PZP: variants seen among roughly 807,000 people sequenced by gnomAD.
The protein encoded by PZP is PZP alpha-2-macroglobulin like.
A neutral mutation model predicts 179.8 loss-of-function variants in PZP; 150 were observed. The observed-to-expected ratio is 0.83, with a 90% CI of 0.73 to 0.96. The LOEUF is 0.96. Ranked by LOEUF, PZP falls within the 40% of genes least tolerant of loss-of-function variation. The probability of loss-of-function intolerance (pLI) is 0.00; values close to 1 mark genes in which losing one functional copy is unlikely to be tolerated. For missense variants in PZP, 1,689 were observed against 1,764.0 expected (o/e 0.96, Z 0.76); for synonymous variants, 624 against 652.3 (o/e 0.96, Z 0.66).
At chr12:9,198,395 T>A (rs1052920657) in intron 7 of PZP, among the ~76,000 whole-genome samples, 1 of 152,178 alleles carries the variant, frequency 6.6e-6, no homozygotes, top group African/African-American at 2.4e-5. Flanking sequence ...ATCATTCTTC[T>A]TTATTTTGTT....
chr12:9,176,997 T>C (rs1207255987), intron 15 of PZP, among the ~76,000 whole-genome samples: 1 of 152,154 alleles, frequency 6.6e-6, no homozygotes. Context: ...GAGGATCGAG[T>C]ATATTTTACA....
chr12:9,148,575 G>C (rs758554166), downstream of PZP, among the ~76,000 whole-genome samples: 3 of 151,768 alleles, frequency 2.0e-5, no homozygotes, highest in Non-Finnish European at 4.4e-5. Context: ...CATCTCTTCT[G>C]ATGTCTCTTC....
At chr12:9,142,535 T>C in the PZP span, among the ~76,000 whole-genome samples, 2 of 152,366 alleles carry the variant, frequency 1.3e-5, no homozygotes, top group African/African-American at 2.4e-5. Context: ...AAAGGTCCCA[T>C]AGCTTTTACT....
At chr12:9,172,742 A>G (rs1942083189) in intron 15 of PZP, among the ~76,000 whole-genome samples, 3 of 152,302 alleles carry the variant, frequency 2.0e-5, no homozygotes, top group African/African-American at 7.2e-5. Context: ...GGTAGTATAT[A>G]ATAGTAAAGG....
chr12:9,165,423 A>C (rs2120742124), intron 18 of PZP, 56 bp from the exon 19 acceptor site: 1,250 of 1,581,164 alleles, frequency 7.9e-4, no homozygotes, highest in Non-Finnish European at 9.9e-4. Flanking sequence ...ACCTTTTCTC[A>C]AGTGAGAATT....
chr12:9,143,021 A>G, the PZP span, among the ~76,000 whole-genome samples: 4 of 152,266 alleles, frequency 2.6e-5, no homozygotes, highest in Non-Finnish European at 5.9e-5. Context: ...AACAAGATTT[A>G]TGAAGAGAAA....
intron 22 of PZP, chr12:9,162,186 C>A: frequency 6.3e-6 from 1 of 158,648 alleles, no homozygotes; most frequent in Non-Finnish European, 1.4e-5. Context: ...GTTCTCAAAC[C>A]CCTGACCTCA....
At chr12:9,190,581 A>G (rs1031754868) in intron 13 of PZP, among the ~76,000 whole-genome samples, 2 of 152,124 alleles carry the variant, frequency 1.3e-5, no homozygotes, top group Non-Finnish European at 2.9e-5. Flanking sequence ...ATCAGAAAAA[A>G]TAATTATTGG....
At chr12:9,174,014 G>T (rs1942187069) in intron 15 of PZP, among the ~76,000 whole-genome samples, 1 of 152,074 alleles carries the variant, frequency 6.6e-6, no homozygotes, top group Admixed American at 6.6e-5. Flanking sequence ...ACCTGGCAGA[G>T]TCACAACAAA....
At chr12:9,200,055 T>TC (rs1305104580) in intron 7 of PZP, among the ~76,000 whole-genome samples, 6 of 152,234 alleles carry the variant, frequency 3.9e-5, no homozygotes, top group Admixed American at 2.6e-4. Flanking sequence ...ACAATGTCTC[T>TC]GTATTTTAGA....
Position 9,208,241 on chromosome 12 carries a change from G to A in PZP, c.83+18C>T. 1 of 1,600,142 alleles carries A rather than the reference G, an allele frequency of 6.2e-7. No individual in the cohort carries two copies. Among genetic ancestry groups the A allele is most frequent in the Non-Finnish European group, 8.6e-7 (1 of 1,167,296 alleles). On this transcript the variant is annotated intron_variant, in intron 1 of 35. Transcript: ENST00000261336. Reference sequence around the variant, plus strand: ...ACTGAAACGCACTCTGGAGGAAGGGGTCTTGAGTGAGACTTACGGTTCTGT... The same window carrying A: ...ACTGAAACGCACTCTGGAGGAAGGGATCTTGAGTGAGACTTACGGTTCTGT...
intron 1 of PZP, among the ~76,000 whole-genome samples, chr12:9,206,671 A>G (rs1944452608): frequency 1.3e-5 from 2 of 152,238 alleles, no homozygotes; most frequent in African/African-American, 4.8e-5. Context: ...CACATTTATC[A>G]CATCAAGGGT....
chr12:9,139,830 C>A, the PZP span, among the ~76,000 whole-genome samples: 2 of 142,676 alleles, frequency 1.4e-5, no homozygotes, highest in South Asian at 2.3e-4. Flanking sequence ...GAGAATAAAC[C>A]TGAGAGGGGA....
chr12:9,153,126 T>C lies in PZP; in HGVS notation c.3992A>G (p.Gln1331Arg), dbSNP rs1391931492. The change falls in exon 30 of 36, where the codon CAG (glutamine) becomes CGG (arginine). Residue 1331 changes from glutamine to arginine, a missense_variant and splice_region_variant. By Grantham distance (43) the Gln-to-Arg change is conservative (BLOSUM62 1). Transcript: ENST00000261336. ...TVTGERCVYLQTSMKYNILPE... is the reference protein window; with the variant it reads ...TVTGERCVYLRTSMKYNILPE... ...ACCCATATAAGCTTGGAGCCCTACC[T>C]GAAGATACACACATCTTTCCCCAGT... The C allele has an allele frequency of 3.7e-6, 6 of 1,613,832 alleles. No individual in the cohort carries two copies. The African/African-American group carries it at 4.0e-5, about 11-fold the overall frequency.
chr12:9,201,415 A>G (rs1345059801), intron 4 of PZP, 68 bp from the exon 5 acceptor site: 2 of 1,233,188 alleles, frequency 1.6e-6, no homozygotes, highest in East Asian at 4.7e-5. Flanking sequence ...CAGACTTGTG[A>G]TCAAACAACA....
At chr12:9,150,426 G>C (rs1940267442) in intron 34 of PZP, among the ~76,000 whole-genome samples, 1 of 152,152 alleles carries the variant, frequency 6.6e-6, no homozygotes. Context: ...GGGATTACAG[G>C]CACACACCAC....
intron 15 of PZP, among the ~76,000 whole-genome samples, chr12:9,176,472 G>T (rs532983393): frequency 2.8e-4 from 42 of 152,162 alleles, no homozygotes; most frequent in South Asian, 2.1e-3. Context: ...GTTGAAGAAA[G>T]AAATAAATAA....
Position 9,196,998 on chromosome 12 carries a change from T to C in PZP, c.867+14A>G, listed in dbSNP as rs533124374. On this transcript the variant is annotated intron_variant, in intron 8 of 35. Coordinates refer to ENST00000261336, the MANE Select transcript of PZP (RefSeq NM_002864.3). ...AAACAGTGATAGCACTGAGGGAGAA[T>C]ACCGCCTACTAACCTGTTGACTGAA... 1.4e-5 allele frequency: 22 copies of C among 1,542,152 alleles called. No individual in the cohort carries two copies. The highest frequency in any genetic ancestry group is 1.9e-5 in the Non-Finnish European group (21 of 1,115,210).
At chr12:9,198,513 A>G (rs1311652075) in intron 7 of PZP, among the ~76,000 whole-genome samples, 1 of 152,188 alleles carries the variant, frequency 6.6e-6, no homozygotes, top group Non-Finnish European at 1.5e-5. Flanking sequence ...AAATGCACAG[A>G]CACACGCACA....
Sources: gnomAD v4.1 joint callset for allele counts (sites outside exome capture counted in the v4.1 genomes callset) on GRCh38, gnomAD v4.1.1 for gene constraint, MANE v1.5 for transcripts, NCBI Gene and HGNC (gene_info 2026-07-23, HGNC 2026-07-21) for gene names.